PTPRD: variants seen among roughly 807,000 people sequenced by gnomAD.
PTPRD encodes the protein protein tyrosine phosphatase receptor type D, also known as receptor-type tyrosine-protein phosphatase delta.
A neutral mutation model predicts 214.5 loss-of-function variants in PTPRD; 34 were observed. The ratio of observed to expected loss-of-function variants is 0.16; its 90% CI spans 0.12 to 0.21. PTPRD has a LOEUF of 0.21. Among genes scored for constraint, PTPRD ranks in the 10% least tolerant of loss-of-function variants. The probability of loss-of-function intolerance (pLI) is 1.00; values close to 1 mark genes in which losing one functional copy is unlikely to be tolerated. For synonymous variants in PTPRD, 1,128 were observed against 845.7 expected (o/e 1.33, Z -5.79); for missense variants, 2,545 against 2,398.7 (o/e 1.06, Z -1.27).
intron 12 of PTPRD, among the ~76,000 whole-genome samples, chr9:8,711,622 T>C (rs1036188139): frequency 3.9e-5 from 6 of 152,154 alleles, no homozygotes; most frequent in Admixed American, 6.5e-5. Flanking sequence ...AGCAGGACCA[T>C]GTAGGGAGCT....
At chr9:8,770,271 T>C (rs559563414) in intron 11 of PTPRD, among the ~76,000 whole-genome samples, 1 of 151,832 alleles carries the variant, frequency 6.6e-6, no homozygotes, top group Non-Finnish European at 1.5e-5. Flanking sequence ...ATGACAGAGC[T>C]AGATTCCGTC....
At chr9:8,436,051 TG>T in intron 35 of PTPRD, among the ~76,000 whole-genome samples, 1 of 152,346 alleles carries the variant, frequency 6.6e-6, no homozygotes, top group East Asian at 1.9e-4. Flanking sequence ...GGCACCTATT[TG>T]GTATGCTGGA....
At chr9:8,472,149 C>T (rs1304945084) in intron 30 of PTPRD, among the ~76,000 whole-genome samples, 1 of 152,098 alleles carries the variant, frequency 6.6e-6, no homozygotes, top group Non-Finnish European at 1.5e-5. Context: ...TAATGGGACG[C>T]AAAGCTACAT....
At chr9:9,275,020 G>A (rs1944417857) in intron 9 of PTPRD, among the ~76,000 whole-genome samples, 1 of 114,926 alleles carries the variant, frequency 8.7e-6, no homozygotes, top group Non-Finnish European at 1.7e-5. Flanking sequence ...CAAACTGATT[G>A]GACCATCAAA....
chr9:10,414,493 G>C (rs1432137530), intron 2 of PTPRD, among the ~76,000 whole-genome samples: 1 of 151,880 alleles, frequency 6.6e-6, no homozygotes, highest in Admixed American at 6.6e-5. Context: ...GTTGGTGGAT[G>C]TGTAAATTAG....
intron 8 of PTPRD, among the ~76,000 whole-genome samples, chr9:9,420,942 T>C (rs1263580795): frequency 6.6e-6 from 1 of 151,986 alleles, no homozygotes; most frequent in Non-Finnish European, 1.5e-5. Context: ...GGTATAATTT[T>C]TGTGATATCT....
At chr9:9,595,551 TGTG>T (rs2093269978) in intron 7 of PTPRD, among the ~76,000 whole-genome samples, 1 of 2,150 alleles carries the variant, frequency 4.7e-4, no homozygotes, top group Non-Finnish European at 7.8e-3. Flanking sequence ...TATGTGTGTT[TGTG>T]TGTGTGTGTG....
At chr9:9,892,631 A>G (rs1257006774) in intron 5 of PTPRD, among the ~76,000 whole-genome samples, 1 of 152,076 alleles carries the variant, frequency 6.6e-6, no homozygotes, top group Non-Finnish European at 1.5e-5. Flanking sequence ...AAATGATCTC[A>G]CTATGTATTT....
intron 10 of PTPRD, among the ~76,000 whole-genome samples, chr9:9,055,183 T>C (rs1374131204): frequency 3.9e-5 from 6 of 152,052 alleles, no homozygotes; most frequent in East Asian, 3.9e-4. Flanking sequence ...CAAGAAAACA[T>C]GTATAAAGGT....
intron 2 of PTPRD, among the ~76,000 whole-genome samples, chr9:10,427,699 G>A (rs1464529857): frequency 6.6e-6 from 1 of 152,038 alleles, no homozygotes; most frequent in African/African-American, 2.4e-5. Flanking sequence ...TCAATGGAAA[G>A]CTTCCCTTGG....
At chr9:10,064,538 T>C (rs2097842343) in intron 3 of PTPRD, among the ~76,000 whole-genome samples, 1 of 151,954 alleles carries the variant, frequency 6.6e-6, no homozygotes, top group East Asian at 1.9e-4. Flanking sequence ...TGGTCTATCA[T>C]TTTAAGCACC....
At chr9:10,364,839 C>T (rs2097483186) in intron 2 of PTPRD, among the ~76,000 whole-genome samples, 1 of 152,138 alleles carries the variant, frequency 6.6e-6, no homozygotes, top group Non-Finnish European at 1.5e-5. Context: ...TTTCGTAGCT[C>T]ACTAAAATTT....
chr9:9,428,098 A>G (rs2081674480), intron 8 of PTPRD, among the ~76,000 whole-genome samples: 1 of 152,216 alleles, frequency 6.6e-6, no homozygotes, highest in African/African-American at 2.4e-5. Context: ...AAATGTTACA[A>G]TTAAAAAACA....
chr9:8,999,156 G>T (rs1051490156), intron 11 of PTPRD, among the ~76,000 whole-genome samples: 1 of 152,064 alleles, frequency 6.6e-6, no homozygotes, highest in Non-Finnish European at 1.5e-5. Context: ...CAGGATTTAA[G>T]CAGATTGACT....
chr9:8,825,557 G>C (rs767624682), intron 11 of PTPRD, among the ~76,000 whole-genome samples: 1 of 152,144 alleles, frequency 6.6e-6, no homozygotes, highest in Non-Finnish European at 1.5e-5. Context: ...AAAAATAAAA[G>C]ATTAGCAACG....
At chr9:9,442,509 G>GT (rs2088472280) in intron 8 of PTPRD, 1 of 152,138 alleles carries the variant, frequency 6.6e-6, no homozygotes, top group African/African-American at 2.4e-5. Flanking sequence ...AACAGATACT[G>GT]TAATTTAGAT....
chr9:8,383,788 C>T (rs1448608234), intron 37 of PTPRD, among the ~76,000 whole-genome samples: 1 of 152,110 alleles, frequency 6.6e-6, no homozygotes, highest in Non-Finnish European at 1.5e-5. Context: ...TGAATCAACC[C>T]CCACTATAAA....
chr9:8,597,443 C>A (rs987633838), intron 14 of PTPRD, among the ~76,000 whole-genome samples: 3 of 151,926 alleles, frequency 2.0e-5, no homozygotes, highest in Non-Finnish European at 2.9e-5. Flanking sequence ...ATACACCCTC[C>A]TTGTTCCACA....
intron 10 of PTPRD, among the ~76,000 whole-genome samples, chr9:9,051,542 A>G (rs962321806): frequency 6.6e-6 from 1 of 152,202 alleles, no homozygotes; most frequent in African/African-American, 2.4e-5. Flanking sequence ...ATTTTTTAAC[A>G]TAGAAATCCA....
Sources: allele counts gnomAD v4.1 joint callset (sites outside exome capture counted in the v4.1 genomes callset), GRCh38; gene constraint gnomAD v4.1.1; transcripts MANE v1.5; gene names NCBI Gene and HGNC (gene_info 2026-07-23, HGNC 2026-07-21).